Variants in WDR72 observed in about 807,000 individuals in gnomAD.
The protein encoded by WDR72 is WD repeat domain 72.
In WDR72, 120 loss-of-function variants were observed where a neutral mutation model predicts 124.2. The observed-to-expected ratio is 0.97, with a 90% CI of 0.83 to 1.12. WDR72 has a LOEUF of 1.12. Ranked by LOEUF, WDR72 falls within the 50% of genes most tolerant of loss-of-function variation. WDR72 has a pLI of 0.00. For missense variants in WDR72, 1,387 were observed against 1,278.8 expected, an observed-to-expected ratio of 1.08 and a Z score of -1.29; for synonymous variants, 452 against 441.7, an observed-to-expected ratio of 1.02 and a Z score of -0.29.
At chr15:53,625,477 A>C (rs577473793) in intron 14 of WDR72, among the ~76,000 whole-genome samples, 8 of 152,220 alleles carry the variant, frequency 5.3e-5, no homozygotes, top group Non-Finnish European at 1.0e-4. Context: ...AGAACAATCC[A>C]TTCCAACCTC....
chr15:53,576,872 A>G (rs1234785884), intron 18 of WDR72, among the ~76,000 whole-genome samples: 1 of 152,136 alleles, frequency 6.6e-6, no homozygotes, highest in Non-Finnish European at 1.5e-5. Flanking sequence ...AGATATCCAG[A>G]ATATTTTTGG....
intron 1 of WDR72, among the ~76,000 whole-genome samples, chr15:53,748,662 T>C (rs2018702124): frequency 6.6e-6 from 1 of 152,096 alleles, no homozygotes; most frequent in Non-Finnish European, 1.5e-5. Context: ...ACCAAGAAAA[T>C]CAAGTCTCTC....
chr15:53,730,984 T>G (rs1301438122), intron 2 of WDR72, among the ~76,000 whole-genome samples: 2 of 151,594 alleles, frequency 1.3e-5, no homozygotes, highest in African/African-American at 4.9e-5. Flanking sequence ...GAGATGCTAT[T>G]TATTCAGTCT....
In WDR72 at chr15:53,517,263, TTTAGA is replaced by T. The variant is rs1441234159; in HGVS notation, c.*431_*435del. On this transcript the variant is annotated 3_prime_UTR_variant, in exon 20 of 20. Coordinates refer to ENST00000360509, the MANE Select transcript of WDR72 (RefSeq NM_182758.4). ...CCAGACAAATCAAAGTTGGTAAAAT[TTTAGA>T]TTAAATACCTTGAAGCAGTATTAAA... 6.1e-6 allele frequency: 1 copy of T among 163,838 alleles called. No individual in the cohort carries two copies. Among genetic ancestry groups the T allele is most frequent in the African/African-American group, 2.4e-5 (1 of 41,522 alleles). 10.1% of individuals were successfully genotyped at this position (163,838 alleles called of 1,614,324 possible).
At chr15:53,559,341 T>A (rs1595760193) in intron 18 of WDR72, among the ~76,000 whole-genome samples, 1 of 152,056 alleles carries the variant, frequency 6.6e-6, no homozygotes, top group African/African-American at 2.4e-5. Flanking sequence ...AGAAAAAACA[T>A]GCAGGTTTTC....
At chr15:53,587,506 C>T (rs1374785802) in intron 18 of WDR72, among the ~76,000 whole-genome samples, 1 of 151,920 alleles carries the variant, frequency 6.6e-6, no homozygotes, top group Non-Finnish European at 1.5e-5. Context: ...GCACATAATA[C>T]TTTACTATAA....
Position 53,605,363 on chromosome 15 carries a change from G to C in WDR72, c.2952+4150C>G, listed in dbSNP as rs772733595. ...GAAGAACAGAAGGTGGGAGGAGAGA[G>C]AGGATCAGGAAAAACTACTAATGAG... On this transcript the variant is annotated intron_variant, in intron 17 of 19. Coordinates refer to ENST00000360509, the MANE Select transcript of WDR72 (RefSeq NM_182758.4). Among the ~76,000 whole-genome samples, 125 of 152,210 alleles carry C rather than the reference G, an allele frequency of 8.2e-4. 2 individuals carry two copies. The highest frequency in any genetic ancestry group is 4.4e-4 in the Non-Finnish European group (30 of 68,036).
intron 18 of WDR72, among the ~76,000 whole-genome samples, chr15:53,547,041 C>A (rs757756495): frequency 3.4e-4 from 52 of 152,176 alleles, no homozygotes; most frequent in Admixed American, 2.1e-3. Context: ...CTGGATATTT[C>A]TTTGATATGA....
intron 1 of WDR72, among the ~76,000 whole-genome samples, chr15:53,755,563 A>G (rs186957203): frequency 4.6e-4 from 70 of 152,380 alleles, no homozygotes; most frequent in African/African-American, 1.7e-3. Context: ...ATTTGTTTTA[A>G]CAGTGGTTTG....
chr15:53,521,059 T>A (rs942349697), intron 19 of WDR72, among the ~76,000 whole-genome samples: 3 of 152,094 alleles, frequency 2.0e-5, no homozygotes, highest in Non-Finnish European at 4.4e-5. Flanking sequence ...GCTGGAAGGC[T>A]GACAGCTGTG....
At chr15:53,548,181 T>A (rs551949933) in intron 18 of WDR72, among the ~76,000 whole-genome samples, 8 of 152,348 alleles carry the variant, frequency 5.3e-5, no homozygotes, top group Admixed American at 3.3e-4. Context: ...GATCATCTTC[T>A]ACCTAAATCA....
intron 14 of WDR72, among the ~76,000 whole-genome samples, chr15:53,657,997 G>A (rs1412203805): frequency 6.6e-6 from 1 of 152,122 alleles, no homozygotes; most frequent in Non-Finnish European, 1.5e-5. Context: ...AAAGGCATTT[G>A]AGAAAGTACA....
At chr15:53,602,630 A>G (rs2013095480) in intron 17 of WDR72, among the ~76,000 whole-genome samples, 1 of 152,064 alleles carries the variant, frequency 6.6e-6, no homozygotes, top group Non-Finnish European at 1.5e-5. Context: ...TTCAAATAAC[A>G]CAATCAGAGA....
chr15:53,751,959 C>T (rs1224512596), intron 1 of WDR72, among the ~76,000 whole-genome samples: 1 of 152,138 alleles, frequency 6.6e-6, no homozygotes, highest in Non-Finnish European at 1.5e-5. Flanking sequence ...AATTAGTAAG[C>T]ATTCAATAAA....
intron 4 of WDR72, 145 bp from the exon 5 acceptor site, chr15:53,715,512 T>C: frequency 2.1e-6 from 2 of 956,404 alleles, no homozygotes; most frequent in Non-Finnish European, 3.2e-6. Context: ...TTCTCTTAGT[T>C]CAGTTATTCC....
intron 2 of WDR72, among the ~76,000 whole-genome samples, chr15:53,732,489 G>A (rs889693666): frequency 2.6e-5 from 4 of 152,102 alleles, no homozygotes; most frequent in South Asian, 2.1e-4. Context: ...ATAGAAGGAT[G>A]ACAATAGTAA....
intron 17 of WDR72, among the ~76,000 whole-genome samples, chr15:53,603,451 A>T (rs532211055): frequency 6.6e-6 from 1 of 152,194 alleles, no homozygotes; most frequent in African/African-American, 2.4e-5. Flanking sequence ...CTCTCTTACT[A>T]CTCCTATTCA....
At chr15:53,676,803 T>C (rs547461866) in intron 13 of WDR72, among the ~76,000 whole-genome samples, 1 of 152,352 alleles carries the variant, frequency 6.6e-6, no homozygotes, top group South Asian at 2.1e-4. Flanking sequence ...TTGTGTTAAT[T>C]TGTTATACGC....
intron 13 of WDR72, among the ~76,000 whole-genome samples, chr15:53,689,206 T>C (rs1296083154): frequency 6.6e-6 from 1 of 151,828 alleles, no homozygotes; most frequent in Non-Finnish European, 1.5e-5. Flanking sequence ...AAAGCCAAAA[T>C]TGACAAATGG....
Sources: gnomAD v4.1 joint callset for allele counts (sites outside exome capture counted in the v4.1 genomes callset) on GRCh38, gnomAD v4.1.1 for gene constraint, MANE v1.5 for transcripts, NCBI Gene and HGNC (gene_info 2026-07-23, HGNC 2026-07-21) for gene names.